The following TENT5D variants were observed in gnomAD, a reference collection of about 807,000 sequenced individuals.
TENT5D encodes the protein cancer/testis antigen 112.
For missense variants in TENT5D, 191 were observed against 287.0 expected (o/e 0.67, Z 2.42); for synonymous variants, 103 against 100.6 (o/e 1.02, Z -0.15).
chrX:80,444,017 C>T, exon 3 of TENT5D: 1 of 214,987 alleles, frequency 4.7e-6, no homozygotes, highest in Non-Finnish European at 9.1e-6. Context: ...TTCAAATTTA[C>T]TGTGACAAAT....
chrX:80,373,206 TA>T (rs1930660915), intron 3 of TENT5D, among the ~76,000 whole-genome samples: 1 of 111,342 alleles, frequency 9.0e-6, no homozygotes, highest in Non-Finnish European at 1.9e-5. Context: ...AAATAATTTT[TA>T]AAATTATTTT....
chrX:80,352,056 G>T (rs1241515453), intron 3 of TENT5D, among the ~76,000 whole-genome samples: 1 of 111,730 alleles, frequency 9.0e-6, no homozygotes, highest in East Asian at 2.9e-4. Context: ...ATACCAGCCA[G>T]AGCTCTCCTG....
intron 2 of TENT5D, among the ~76,000 whole-genome samples, chrX:80,439,950 T>C (rs1030399750): frequency 9.0e-6 from 1 of 110,804 alleles, no homozygotes; most frequent in East Asian, 2.8e-4. Context: ...TGGAATAAAA[T>C]AGACTTGATT....
chrX:80,410,807 T>C (rs796803946), intron 3 of TENT5D, among the ~76,000 whole-genome samples: 11,418 of 108,132 alleles, frequency 0.11, 758 homozygotes, highest in African/African-American at 0.22. Context: ...ATGTTTATTG[T>C]GGCATTATTC....
chrX:80,410,696 G>A (rs1931639994), intron 3 of TENT5D, among the ~76,000 whole-genome samples: 1 of 105,925 alleles, frequency 9.4e-6, no homozygotes, highest in Non-Finnish European at 1.9e-5. Flanking sequence ...CGATTCCTCA[G>A]GGATCTAGAA....
intron 2 of TENT5D, among the ~76,000 whole-genome samples, chrX:80,341,899 G>A (rs995453048): frequency 2.8e-5 from 3 of 106,402 alleles, no homozygotes; most frequent in African/African-American, 1.0e-4. Flanking sequence ...TTTTAGTAGA[G>A]ACGGGGTTTC....
At chrX:80,408,754 A>C (rs1486027632) in intron 3 of TENT5D, among the ~76,000 whole-genome samples, 19 of 111,577 alleles carry the variant, frequency 1.7e-4, no homozygotes, top group Non-Finnish European at 3.4e-4. Flanking sequence ...TTTATGAGGC[A>C]AGCATCATTC....
At chrX:80,374,820 T>C (rs1031256452) in intron 3 of TENT5D, among the ~76,000 whole-genome samples, 5 of 111,273 alleles carry the variant, frequency 4.5e-5, no homozygotes, top group Non-Finnish European at 9.4e-5. Flanking sequence ...TACAGATTTT[T>C]TTGGACTTTG....
rs997591134 is a variant in TENT5D, at chrX:80,381,049, A to G, written c.-142+38485A>G. On this transcript the variant is annotated intron_variant, in intron 3 of 4. Coordinates refer to the TENT5D transcript ENST00000538312. ...CCGTTAGTTGATGCAGTTTCTTCCT[A>G]CCATCAATGGTCTTTACAATTTGGC... 4.5e-5 allele frequency among the ~76,000 whole-genome samples: 5 copies of G among 111,719 alleles called. No homozygotes were observed. In the East Asian group the frequency reaches 1.4e-3, roughly 31 times the overall value.
At chrX:80,433,573 G>T (rs887825455) in intron 1 of TENT5D, among the ~76,000 whole-genome samples, 1 of 111,965 alleles carries the variant, frequency 8.9e-6, no homozygotes, top group Non-Finnish European at 1.9e-5. Flanking sequence ...CAGAAGTTTA[G>T]CCTGGGGAAA....
chrX:80,336,625 C>T (rs1929856357), intron 2 of TENT5D, among the ~76,000 whole-genome samples: 1 of 109,292 alleles, frequency 9.1e-6, no homozygotes, highest in Non-Finnish European at 1.9e-5. Context: ...AAGATTTTCC[C>T]TGGACTCTTA....
At chrX:80,345,898 C>A (rs1240056442) in intron 3 of TENT5D, among the ~76,000 whole-genome samples, 1 of 111,760 alleles carries the variant, frequency 8.9e-6, no homozygotes, top group Non-Finnish European at 1.9e-5. Context: ...CATGACCAAA[C>A]TGAAGAAAGA....
chrX:80,388,247 C>G (rs189024276), intron 3 of TENT5D, among the ~76,000 whole-genome samples: 53 of 111,174 alleles, frequency 4.8e-4, no homozygotes, highest in Non-Finnish European at 7.5e-4. Flanking sequence ...CAAGCTCACA[C>G]CTAAGCTGCA....
chrX:80,390,060 A>G (rs1931096284), intron 3 of TENT5D, among the ~76,000 whole-genome samples: 1 of 111,380 alleles, frequency 9.0e-6, no homozygotes, highest in African/African-American at 3.3e-5. Context: ...TTGGCCAAGA[A>G]TGTAGGAAAT....
chrX:80,379,505 A>G (rs1024889191), intron 3 of TENT5D, among the ~76,000 whole-genome samples: 5 of 110,312 alleles, frequency 4.5e-5, no homozygotes, highest in Admixed American at 9.7e-5. Context: ...CTCTTTTTCT[A>G]TTGATTGGAA....
At chrX:80,338,393 G>C (rs1929893244) in intron 2 of TENT5D, among the ~76,000 whole-genome samples, 1 of 112,007 alleles carries the variant, frequency 8.9e-6, no homozygotes, top group South Asian at 3.7e-4. Context: ...GGATAATTGA[G>C]ATGTAAAGAA....
chrX:80,381,050 C>G (rs1205356050), intron 3 of TENT5D, among the ~76,000 whole-genome samples: 1 of 111,701 alleles, frequency 9.0e-6, no homozygotes, highest in East Asian at 2.8e-4. Flanking sequence ...TTTCTTCCTA[C>G]CATCAATGGT....
chrX:80,394,549 G>A (rs747530157), intron 3 of TENT5D, among the ~76,000 whole-genome samples: 16 of 107,609 alleles, frequency 1.5e-4, no homozygotes, highest in African/African-American at 5.1e-4. Flanking sequence ...GCGCCACCAC[G>A]CCCAGCTAAT....
intron 3 of TENT5D, among the ~76,000 whole-genome samples, chrX:80,352,828 C>T (rs1420980005): frequency 1.8e-5 from 2 of 109,538 alleles, no homozygotes; most frequent in South Asian, 3.9e-4. Flanking sequence ...TAGAGGCACA[C>T]GAAGGAATTT....
Sources: allele counts gnomAD v4.1 joint callset (sites outside exome capture counted in the v4.1 genomes callset), GRCh38; gene constraint gnomAD v4.1.1; transcripts MANE v1.5; gene names NCBI Gene and HGNC (gene_info 2026-07-23, HGNC 2026-07-21).